ZNF487: variants seen among roughly 807,000 people sequenced by gnomAD.
ZNF487 encodes KRAB domain only 1.
Under a neutral mutation model 3.0 loss-of-function variants are expected in ZNF487, and 4 were observed. The observed-to-expected ratio is 1.35, with a 90% CI of 0.66 to 3.08. ZNF487 has a LOEUF of 3.08. ZNF487 is among the 30% of genes most tolerant of loss of function. The pLI is 0.01. For missense variants in ZNF487, 146 were observed against 98.7 expected (o/e 1.48, Z -2.03); for synonymous variants, 55 against 34.6 (o/e 1.59, Z -2.06).
Position 43,475,844 on chromosome 10 carries a change from G to T in ZNF487, c.31G>T (p.Val11Leu). The T allele has an allele frequency of 1.3e-6, 1 of 776,232 alleles. No individual in the cohort carries two copies. The highest frequency in any genetic ancestry group is 2.4e-6 in the Non-Finnish European group (1 of 416,180). The allele number at this position is 776,232 out of a possible 1,614,324, so 48.1% of individuals were successfully genotyped here. Residue 11 changes from valine to leucine, a missense_variant, in exon 2 of 4, where the codon GTG becomes TTG. Physicochemically the swap from Val to Leu is conservative, Grantham distance 32. Transcript: ENST00000437590. Reference protein sequence around the residue: MLENYSLLLSVGYCITKPEVV... With the variant: MLENYSLLLSLGYCITKPEVV... ...GGAGAACTACAGCCTCCTCCTCTCA[G>T]TGGGTAAGGATTATGTAATTTGCAG... is the stretch of plus-strand genomic sequence containing the variant.
intron 3 of ZNF487, among the ~76,000 whole-genome samples, chr10:43,479,962 C>CTTTTCT (rs1331687122): frequency 6.9e-5 from 3 of 43,556 alleles, no homozygotes; most frequent in African/African-American, 1.6e-4. Context: ...GACTCTCTTT[C>CTTTTCT]TTTCTTTCTT....
At chr10:43,490,130 G>C in the ZNF487 span, among the ~76,000 whole-genome samples, 1 of 152,118 alleles carries the variant, frequency 6.6e-6, no homozygotes. Flanking sequence ...CGGGTGGATC[G>C]CCTGAGGTCA....
At chr10:43,479,153 G>A (rs1841219148) in intron 3 of ZNF487, among the ~76,000 whole-genome samples, 1 of 148,728 alleles carries the variant, frequency 6.7e-6, no homozygotes, top group Non-Finnish European at 1.5e-5. Flanking sequence ...TTGTACTGAT[G>A]AGGTCTTGCT....
the ZNF487 span, among the ~76,000 whole-genome samples, chr10:43,498,099 A>ATATATT: frequency 6.9e-4 from 14 of 20,186 alleles, no homozygotes; most frequent in Admixed American, 9.0e-4. Context: ...ATATATATAT[A>ATATATT]TTTTTTTTTT....
the ZNF487 span, among the ~76,000 whole-genome samples, chr10:43,503,084 G>A: frequency 3.4e-4 from 51 of 149,148 alleles, no homozygotes; most frequent in Non-Finnish European, 5.3e-4. Context: ...GTCTCTTTAA[G>A]AGGTATTCCA....
intron 1 of ZNF487, among the ~76,000 whole-genome samples, chr10:43,437,762 TTTC>T (rs1371989893): frequency 6.6e-6 from 1 of 152,158 alleles, no homozygotes; most frequent in Non-Finnish European, 1.5e-5. Context: ...CTCCGGAAAT[TTTC>T]TTTTTTTCTC....
intron 1 of ZNF487, among the ~76,000 whole-genome samples, chr10:43,460,397 T>G (rs1421422975): frequency 6.7e-6 from 1 of 149,162 alleles, no homozygotes; most frequent in African/African-American, 2.5e-5. Context: ...TTTTTTTTTT[T>G]TTTGAGACCA....
At position 43,447,251 on chromosome 10, in the gene ZNF487, T is replaced by TTTTTTTTTCTTTTC. The variant is rs755357301; in HGVS notation, c.-94+9997_-94+9998insCTTTTCTTTTTTTT. ...CGGAGAGGGGAGAGGGAGAACAACA[T>TTTTTTTTTCTTTTC]TTTTTTTTTGAGACAGAGTCTCGCT... On this transcript the variant is annotated intron_variant, in intron 1 of 3. Coordinates refer to ENST00000437590, the MANE Select transcript of ZNF487 (RefSeq NM_001355444.3). 9.5e-3 allele frequency among the ~76,000 whole-genome samples: 370 copies of TTTTTTTTTCTTTTC among 39,022 alleles called. 4 individuals carry two copies. The highest frequency in any genetic ancestry group is 0.074 in the South Asian group (100 of 1,358). 25.6% of individuals were successfully genotyped at this position (39,022 alleles called of 152,430 possible).
At chr10:43,445,494 C>T (rs1255961588) in intron 1 of ZNF487, among the ~76,000 whole-genome samples, 1 of 152,098 alleles carries the variant, frequency 6.6e-6, no homozygotes, top group South Asian at 2.1e-4. Flanking sequence ...TACCTGAAAA[C>T]AGTTTGTTCT....
At chr10:43,463,788 CT>C (rs1298459431) in intron 1 of ZNF487, among the ~76,000 whole-genome samples, 1 of 149,990 alleles carries the variant, frequency 6.7e-6, no homozygotes. Context: ...CTATTTCAGA[CT>C]TTTTTTTATT....
intron 1 of ZNF487, among the ~76,000 whole-genome samples, chr10:43,442,375 G>T (rs1210707648): frequency 6.6e-6 from 1 of 151,888 alleles, no homozygotes; most frequent in Non-Finnish European, 1.5e-5. Context: ...TTATTCTATT[G>T]AGTCTTTTAA....
At chr10:43,477,823 A>G (rs927042079) in intron 3 of ZNF487, among the ~76,000 whole-genome samples, 1 of 151,948 alleles carries the variant, frequency 6.6e-6, no homozygotes, top group Non-Finnish European at 1.5e-5. Flanking sequence ...GTGGTGGCGG[A>G]TGCCTGTAAT....
chr10:43,497,195 G>A, the ZNF487 span, among the ~76,000 whole-genome samples: 1 of 152,036 alleles, frequency 6.6e-6, no homozygotes, highest in East Asian at 1.9e-4. Flanking sequence ...TAATTTACAT[G>A]CCAGTTAGGT....
At position 43,481,729 on chromosome 10, in the gene ZNF487, A is replaced by G; in HGVS notation, c.431A>G (p.Asn144Ser). ...TTTCTCCTCTGTATGAAGCGTGAGA[A>G]TCCTTATGCCAGAGGGAAACCTTTG... ...GKFLLCMKRENPYARGKPLEY... is the reference protein window; with the variant it reads ...GKFLLCMKRESPYARGKPLEY... The change falls in exon 4 of 4, where the codon AAT (asparagine) becomes AGT (serine). Residue 144 changes from asparagine (N) to serine (S), a missense_variant. Transcript: ENST00000437590. 1.4e-6 allele frequency: 1 copy of G among 716,688 alleles called. No homozygotes were observed. Among genetic ancestry groups the G allele is most frequent in the South Asian group, 1.5e-5 (1 of 67,578 alleles). 44.4% of individuals were successfully genotyped at this position (716,688 alleles called of 1,614,324 possible).
At chr10:43,488,601 A>G in the ZNF487 span, among the ~76,000 whole-genome samples, 1 of 152,208 alleles carries the variant, frequency 6.6e-6, no homozygotes, top group East Asian at 1.9e-4. Flanking sequence ...TTGTAACACA[A>G]CAAATGAAAA....
chr10:43,450,610 A>G (rs537651200), intron 1 of ZNF487, among the ~76,000 whole-genome samples: 1 of 152,302 alleles, frequency 6.6e-6, no homozygotes, highest in African/African-American at 2.4e-5. Context: ...TCGGCCTCCC[A>G]AAGTGCTGGG....
rs192120999 is a variant in ZNF487, at chr10:43,439,228, C to T, written c.-94+1966C>T. Among the ~76,000 whole-genome samples, 686 of 150,994 alleles carry T rather than the reference C, an allele frequency of 4.5e-3. 5 individuals carry two copies. Among genetic ancestry groups the T allele is most frequent in the African/African-American group, 0.016 (660 of 41,178 alleles). On this transcript the variant is annotated intron_variant, in intron 1 of 3. Coordinates refer to ENST00000437590, the MANE Select transcript of ZNF487 (RefSeq NM_001355444.3). ...CTGCACTCCAGCCTGGGTGACAGAA[C>T]GAGATTCCGTCTCAAAAAAAAATCA...
chr10:43,441,433 T>C (rs1839606546), intron 1 of ZNF487, among the ~76,000 whole-genome samples: 1 of 151,946 alleles, frequency 6.6e-6, no homozygotes, highest in East Asian at 1.9e-4. Context: ...GCCCGGCTAA[T>C]TTTTTGTATT....
At chr10:43,471,077 C>T (rs1257973995) in intron 1 of ZNF487, among the ~76,000 whole-genome samples, 1 of 152,136 alleles carries the variant, frequency 6.6e-6, no homozygotes, top group Non-Finnish European at 1.5e-5. Context: ...GCTGGTTCCT[C>T]CTTTTCTTCC....
Sources: allele counts gnomAD v4.1 joint callset (sites outside exome capture counted in the v4.1 genomes callset), GRCh38; gene constraint gnomAD v4.1.1; transcripts MANE v1.5; gene names NCBI Gene and HGNC (gene_info 2026-07-23, HGNC 2026-07-21).